The following DCDC2C variants were observed in gnomAD, a reference collection of about 807,000 sequenced individuals.
The protein encoded by DCDC2C is doublecortin domain-containing protein 2C.
A neutral mutation model predicts 45.0 loss-of-function variants in DCDC2C; 44 were observed. That is an observed-to-expected ratio of 0.98 (90% CI 0.77 to 1.26). DCDC2C has a LOEUF of 1.26. Among genes scored for constraint, DCDC2C ranks in the 50% most tolerant of loss-of-function variants. The pLI, the probability that DCDC2C is intolerant of heterozygous loss-of-function variation, is 0.00. For synonymous variants in DCDC2C, 187 were observed against 178.8 expected, an observed-to-expected ratio of 1.05 and a Z score of -0.37; for missense variants, 447 against 468.9, an observed-to-expected ratio of 0.95 and a Z score of 0.43.
At chr2:3,837,622 A>ATACAGTGTCAAGAG (rs1558249632) in intron 10 of DCDC2C, among the ~76,000 whole-genome samples, 2 of 124,482 alleles carry the variant, frequency 1.6e-5, no homozygotes, top group Non-Finnish European at 3.7e-5. Context: ...GAAACTGAGG[A>ATACAGTGTCAAGAG]AGAAATCAGC....
chr2:3,732,570 C>T (rs1467521845), intron 3 of DCDC2C, among the ~76,000 whole-genome samples: 1 of 152,062 alleles, frequency 6.6e-6, no homozygotes, highest in African/African-American at 2.4e-5. Flanking sequence ...TCCAAAATAC[C>T]AGATCTCATA....
Position 3,703,869 on chromosome 2 carries a change from G to A in DCDC2C, c.118G>A (p.Ala40Thr). ...GKKFVLSRRR[A>T]ATFEALLEQL... ...GAAGTTCGTGCTGTCGCGGCGCCGC[G>A]CGGCCACCTTCGAGGCGCTGCTGGA... is the stretch of plus-strand genomic sequence containing the variant. Residue 40 changes from alanine (A) to threonine (T), a missense_variant, in exon 1 of 11, where the codon GCG (alanine) becomes ACG (threonine). By Grantham distance (58) the Ala-to-Thr change is moderately conservative. Coordinates refer to ENST00000399143, the MANE Select transcript of DCDC2C (RefSeq NM_001287444.2). This position sits in a 1 kb window ranked among gnomAD's most constrained non-coding sequence, Gnocchi z 4.4. 3 of 1,293,726 alleles carry A rather than the reference G, an allele frequency of 2.3e-6. No individual in the cohort carries two copies. Among genetic ancestry groups the A allele is most frequent in the Non-Finnish European group, 3.0e-6 (3 of 1,016,080 alleles). 80.1% of individuals were successfully genotyped at this position (1,293,726 alleles called of 1,614,324 possible).
At chr2:3,730,797 G>T (rs1668845783) in intron 3 of DCDC2C, among the ~76,000 whole-genome samples, 1 of 152,184 alleles carries the variant, frequency 6.6e-6, no homozygotes, top group Non-Finnish European at 1.5e-5. Flanking sequence ...CCAACATTCT[G>T]CATTTATGAG....
intron 10 of DCDC2C, among the ~76,000 whole-genome samples, chr2:3,839,117 G>T (rs1672150010): frequency 6.6e-6 from 1 of 152,182 alleles, no homozygotes; most frequent in African/African-American, 2.4e-5. Context: ...CACCATCAGA[G>T]ATTTTGTGAA....
In DCDC2C at chr2:3,745,983, A is replaced by C. The variant is rs183477937; in HGVS notation, c.545+3935A>C. Reference sequence around the variant, plus strand: ...TTTATTGGATAGTTTGAACTTTTGGAATAATGTATCCAAATAGCTCAGAGA... The same window carrying C: ...TTTATTGGATAGTTTGAACTTTTGGCATAATGTATCCAAATAGCTCAGAGA... On this transcript the variant is annotated intron_variant, in intron 4 of 10. Coordinates refer to ENST00000399143, the MANE Select transcript of DCDC2C (RefSeq NM_001287444.2). Among the ~76,000 whole-genome samples the C allele has an allele frequency of 6.1e-3, 931 of 152,052 alleles. 11 individuals carry two copies. Among genetic ancestry groups the C allele is most frequent in the African/African-American group, 0.021 (888 of 41,440 alleles).
intron 10 of DCDC2C, among the ~76,000 whole-genome samples, chr2:3,811,644 C>A (rs1157261904): frequency 6.6e-6 from 1 of 152,102 alleles, no homozygotes; most frequent in Non-Finnish European, 1.5e-5. Context: ...GGGAGGGCAC[C>A]CTTGGCTTGT....
chr2:3,834,510 C>T (rs1672028567), intron 10 of DCDC2C, among the ~76,000 whole-genome samples: 1 of 152,196 alleles, frequency 6.6e-6, no homozygotes, highest in South Asian at 2.1e-4. Flanking sequence ...CATCTTTCTG[C>T]TCCACATATC....
At chr2:3,786,408 C>A (rs1381914523) in intron 10 of DCDC2C, among the ~76,000 whole-genome samples, 1 of 105,598 alleles carries the variant, frequency 9.5e-6, no homozygotes, top group Non-Finnish European at 1.9e-5. Context: ...TGCACGGAGC[C>A]TCCGGTGCGG....
chr2:3,816,841 C>T (rs1558240579), intron 10 of DCDC2C, among the ~76,000 whole-genome samples: 1 of 152,046 alleles, frequency 6.6e-6, no homozygotes, highest in African/African-American at 2.4e-5. Flanking sequence ...CCTGAATAAT[C>T]CCTGAGGAGT....
At chr2:3,800,639 A>T (rs1185544510) in intron 10 of DCDC2C, among the ~76,000 whole-genome samples, 1 of 149,780 alleles carries the variant, frequency 6.7e-6, no homozygotes, top group African/African-American at 2.4e-5. Flanking sequence ...GTGTGGCTTC[A>T]ATGCGCACCA....
At chr2:3,831,924 C>T (rs1263615291) in intron 10 of DCDC2C, among the ~76,000 whole-genome samples, 1 of 152,224 alleles carries the variant, frequency 6.6e-6, no homozygotes, top group Non-Finnish European at 1.5e-5. Flanking sequence ...GGTAGCCCTG[C>T]CTTCTTCACT....
chr2:3,764,904 A>G (rs912923349), intron 6 of DCDC2C, among the ~76,000 whole-genome samples: 13 of 152,220 alleles, frequency 8.5e-5, no homozygotes, highest in Admixed American at 8.5e-4. Context: ...TGGAATATGG[A>G]TGGTAGAATA....
intron 9 of DCDC2C, among the ~76,000 whole-genome samples, chr2:3,783,861 T>C (rs1670578185): frequency 6.6e-6 from 1 of 152,264 alleles, no homozygotes; most frequent in African/African-American, 2.4e-5. Flanking sequence ...AGTGTTTATC[T>C]ACATGAAAAT....
chr2:3,758,416 C>T (rs1490584432), intron 6 of DCDC2C, among the ~76,000 whole-genome samples: 2 of 152,168 alleles, frequency 1.3e-5, no homozygotes, highest in Non-Finnish European at 2.9e-5. Flanking sequence ...GTAAAATATC[C>T]TCAAAATGAT....
At chr2:3,803,287 G>T (rs1227367346) in intron 10 of DCDC2C, among the ~76,000 whole-genome samples, 1 of 151,962 alleles carries the variant, frequency 6.6e-6, no homozygotes, top group Non-Finnish European at 1.5e-5. Flanking sequence ...TTTGTATACT[G>T]CTTGTCCATC....
At chr2:3,820,728 A>G (rs1304090632) in intron 10 of DCDC2C, among the ~76,000 whole-genome samples, 1 of 152,118 alleles carries the variant, frequency 6.6e-6, no homozygotes, top group Non-Finnish European at 1.5e-5. Flanking sequence ...GTAGCAAGAG[A>G]GGGAGATTGA....
chr2:3,777,611 C>G (rs549395971), intron 8 of DCDC2C, among the ~76,000 whole-genome samples: 1 of 152,150 alleles, frequency 6.6e-6, no homozygotes. Context: ...TTTGAGCACT[C>G]ACCATAGAGT....
chr2:3,727,728 A>G (rs1029244001), intron 3 of DCDC2C, among the ~76,000 whole-genome samples: 9 of 152,184 alleles, frequency 5.9e-5, no homozygotes, highest in African/African-American at 1.7e-4. Context: ...CTTGACTTGA[A>G]CGAAACGTTG....
At chr2:3,731,716 A>G (rs1467092571) in intron 3 of DCDC2C, among the ~76,000 whole-genome samples, 2 of 152,260 alleles carry the variant, frequency 1.3e-5, no homozygotes, top group Non-Finnish European at 2.9e-5. Flanking sequence ...TCATGAGAAC[A>G]GAATGTGTCT....
Sources: allele counts gnomAD v4.1 joint callset (sites outside exome capture counted in the v4.1 genomes callset), GRCh38; gene constraint gnomAD v4.1.1; non-coding constraint Gnocchi (gnomAD v3.1); transcripts MANE v1.5; gene names NCBI Gene and HGNC (gene_info 2026-07-23, HGNC 2026-07-21).